The following SUMF1 variants were observed in gnomAD, a reference collection of about 807,000 sequenced individuals.
SUMF1 encodes sulfatase modifying factor 1, also known as formylglycine-generating enzyme.
SUMF1 carries 48 observed loss-of-function variants against 47.6 expected under a neutral mutation model. That is an observed-to-expected ratio of 1.01 (90% CI 0.80 to 1.28). The LOEUF (loss-of-function observed/expected upper bound fraction) is 1.28, where lower values mean the gene tolerates loss of function less well. Ranked by LOEUF, SUMF1 falls within the 50% of genes most tolerant of loss-of-function variation. The pLI is 0.00. For missense variants in SUMF1, 571 were observed against 485.4 expected (o/e 1.18, Z -1.66); for synonymous variants, 230 against 192.1 (o/e 1.20, Z -1.63).
intron 3 of SUMF1, among the ~76,000 whole-genome samples, chr3:4,442,912 A>G: frequency 6.6e-6 from 1 of 151,888 alleles, no homozygotes; most frequent in Admixed American, 6.6e-5. Context: ...GCAGAACAAC[A>G]TCCTTATGAA....
At chr3:4,238,660 G>C (rs1276803401) in intron 8 of SUMF1, among the ~76,000 whole-genome samples, 1 of 152,130 alleles carries the variant, frequency 6.6e-6, no homozygotes, top group African/African-American at 2.4e-5. Flanking sequence ...GTCATTTGTA[G>C]ATTCTGGATA....
intron 8 of SUMF1, among the ~76,000 whole-genome samples, chr3:4,185,523 T>C (rs1421397657): frequency 6.6e-6 from 1 of 152,200 alleles, no homozygotes. Flanking sequence ...TTCTAAGCCT[T>C]GGATCTAGCA....
At chr3:4,159,737 G>T (rs1228285386) in intron 8 of SUMF1, among the ~76,000 whole-genome samples, 1 of 152,110 alleles carries the variant, frequency 6.6e-6, no homozygotes, top group Non-Finnish European at 1.5e-5. Context: ...TTATAGGACA[G>T]ACCTGGTGTT....
At chr3:4,259,801 G>C (rs1319357591) in intron 8 of SUMF1, among the ~76,000 whole-genome samples, 1 of 152,116 alleles carries the variant, frequency 6.6e-6, no homozygotes, top group Non-Finnish European at 1.5e-5. Flanking sequence ...TTGCACCAAG[G>C]ATAGGTAGAA....
chr3:4,304,276 G>T (rs1266236537), intron 8 of SUMF1, among the ~76,000 whole-genome samples: 1 of 152,166 alleles, frequency 6.6e-6, no homozygotes, highest in Non-Finnish European at 1.5e-5. Flanking sequence ...CGAGTAGCTG[G>T]GATTACAGGC....
At chr3:4,035,323 C>G (rs1694773477) in intron 9 of SUMF1, among the ~76,000 whole-genome samples, 1 of 152,098 alleles carries the variant, frequency 6.6e-6, no homozygotes, top group African/African-American at 2.4e-5. Context: ...GTGAAGAATC[C>G]TTTGCCACTT....
Position 4,458,799 on chromosome 3 carries a change from C to T in SUMF1, c.271-5750G>A, listed in dbSNP as rs1001989128. Among the ~76,000 whole-genome samples the T allele has an allele frequency of 5.9e-5, 9 of 152,016 alleles. No homozygotes were observed. The South Asian group carries it at 6.2e-4, about 11-fold the overall frequency. ...TGAACCTGGGAGGCGGAGCTTGCAG[C>T]GAGCCGAGATGGAGCCACTGCACTC... On this transcript the variant is annotated intron_variant, in intron 1 of 8. Coordinates refer to ENST00000272902, the MANE Select transcript of SUMF1 (RefSeq NM_182760.4).
intron 7 of SUMF1, among the ~76,000 whole-genome samples, chr3:4,396,421 A>G (rs1403875455): frequency 1.3e-5 from 2 of 152,172 alleles, no homozygotes; most frequent in Non-Finnish European, 2.9e-5. Flanking sequence ...ACCTGCAGAG[A>G]CTCCACAGGA....
intron 8 of SUMF1, among the ~76,000 whole-genome samples, chr3:4,212,202 G>A (rs1695814839): frequency 6.6e-6 from 1 of 152,118 alleles, no homozygotes; most frequent in African/African-American, 2.4e-5. Context: ...TCTGGCAGAT[G>A]CCCCTCTGGG....
intron 8 of SUMF1, among the ~76,000 whole-genome samples, chr3:4,334,040 A>C (rs952192212): frequency 5.3e-5 from 8 of 152,098 alleles, no homozygotes; most frequent in Non-Finnish European, 1.2e-4. Flanking sequence ...AGGTGGGCAG[A>C]TCACTTGAGC....
intron 8 of SUMF1, among the ~76,000 whole-genome samples, chr3:4,285,565 A>C (rs1274694721): frequency 6.6e-6 from 1 of 152,182 alleles, no homozygotes; most frequent in Non-Finnish European, 1.5e-5. Context: ...TACAACTTGT[A>C]TGTAATATTA....
chr3:4,056,326 TA>T (rs1356727174), intron 9 of SUMF1, among the ~76,000 whole-genome samples: 3 of 152,012 alleles, frequency 2.0e-5, no homozygotes, highest in African/African-American at 7.2e-5. Context: ...ATACAGAAAC[TA>T]AAAAGGTTCA....
At chr3:4,282,088 G>C (rs1347451886) in intron 8 of SUMF1, among the ~76,000 whole-genome samples, 4 of 152,048 alleles carry the variant, frequency 2.6e-5, no homozygotes, top group African/African-American at 9.7e-5. Context: ...ATGTTGTCTA[G>C]AGCAAAGAGA....
chr3:4,228,817 T>C (rs1696233727), intron 8 of SUMF1, among the ~76,000 whole-genome samples: 1 of 152,158 alleles, frequency 6.6e-6, no homozygotes, highest in Non-Finnish European at 1.5e-5. Context: ...GAGATGCCTC[T>C]TACAGCCATT....
chr3:4,441,612 C>T (rs1265493003), intron 3 of SUMF1, among the ~76,000 whole-genome samples: 1 of 152,134 alleles, frequency 6.6e-6, no homozygotes, highest in East Asian at 1.9e-4. Context: ...GCCTTAATCC[C>T]TTCTGGGACT....
chr3:4,458,097 G>T (rs920282382), intron 1 of SUMF1, among the ~76,000 whole-genome samples: 2 of 152,080 alleles, frequency 1.3e-5, no homozygotes, highest in East Asian at 3.9e-4. Context: ...TTGCTCAAAA[G>T]ACATACAAAT....
intron 8 of SUMF1, among the ~76,000 whole-genome samples, chr3:4,202,447 C>A (rs980394103): frequency 2.6e-5 from 4 of 151,654 alleles, no homozygotes; most frequent in African/African-American, 9.7e-5. Flanking sequence ...AGTTCTCTAC[C>A]CTGTTCCATT....
intron 1 of SUMF1, among the ~76,000 whole-genome samples, chr3:4,461,490 C>G (rs908794916): frequency 6.6e-6 from 1 of 152,226 alleles, no homozygotes; most frequent in Non-Finnish European, 1.5e-5. Context: ...TCCCTCAGCT[C>G]AAAGGACCAC....
rs139056811 is a variant in SUMF1 at position 4,345,962 on chromosome 3, C to T, written c.1014+30368G>A. Among the ~76,000 whole-genome samples the T allele has an allele frequency of 4.8e-3, 734 of 152,244 alleles. 7 individuals are homozygous for T. Among genetic ancestry groups the T allele is most frequent in the African/African-American group, 0.017 (709 of 41,544 alleles). On this transcript the variant is annotated intron_variant and NMD_transcript_variant, in intron 8 of 12. Transcript: ENST00000448413. Reference sequence around the variant, plus strand: ...GAAGGGAATGGTAAAGGGATCAATGCAACAAGAAGAGCTAACTATCCTGAA... The same window carrying T: ...GAAGGGAATGGTAAAGGGATCAATGTAACAAGAAGAGCTAACTATCCTGAA...
Sources: allele counts gnomAD v4.1 joint callset (sites outside exome capture counted in the v4.1 genomes callset), GRCh38; gene constraint gnomAD v4.1.1; transcripts MANE v1.5; gene names NCBI Gene and HGNC (gene_info 2026-07-23, HGNC 2026-07-21).